Variants in ABCA13 observed in about 807,000 individuals in gnomAD.
The protein encoded by ABCA13 is ATP binding cassette subfamily A member 13.
ABCA13 carries 476 observed loss-of-function variants against 478.7 expected under a neutral mutation model. The observed-to-expected ratio is 0.99, with a 90% CI of 0.92 to 1.07. The LOEUF is 1.07. ABCA13 is among the 50% of genes least tolerant of loss of function. ABCA13 has a pLI of 0.00. For missense variants in ABCA13, 6,060 were observed against 5,910.6 expected, an observed-to-expected ratio of 1.03 and a Z score of -0.83; for synonymous variants, 2,252 against 2,158.9, an observed-to-expected ratio of 1.04 and a Z score of -1.20.
chr7:48,241,154 C>T, intron 10 of ABCA13, 88 bp downstream of exon 10: 2 of 1,420,410 alleles, frequency 1.4e-6, no homozygotes, highest in Admixed American at 1.8e-5. Flanking sequence ...GAAACACATT[C>T]TGTAAAACTA....
At chr7:48,464,056 G>C (rs735070) in intron 43 of ABCA13, among the ~76,000 whole-genome samples, 28,572 of 152,142 alleles carry the variant, frequency 0.19, 3,109 homozygotes, top group African/African-American at 0.29. Context: ...AATTTTAAGA[G>C]ATGATTATTA....
At chr7:48,553,864 T>G (rs1267225950) in intron 55 of ABCA13, among the ~76,000 whole-genome samples, 1 of 152,052 alleles carries the variant, frequency 6.6e-6, no homozygotes, top group Admixed American at 6.6e-5. Context: ...GTTCGTGGGG[T>G]ATTACTCAAG....
Position 48,594,747 on chromosome 7 carries a change from G to T in ABCA13, c.14678G>T (p.Arg4893Leu), listed in dbSNP as rs563046033. ...TCTGGGATGGATCCCTGCTCTAAGC[G>T]GTACCTGTGGCAAACAATAATGAAG... ...PSSGMDPCSKRYLWQTIMKEV... is the reference protein window; with the variant it reads ...PSSGMDPCSKLYLWQTIMKEV... The change falls in exon 58 of 62, where the codon CGG becomes CTG. Residue 4893 changes from arginine (R) to leucine (L), a missense_variant. This residue lies in a region of ABCA13 where 1,627 missense variants were observed against 1,571.0 expected (regional missense o/e 1.04). Transcript: ENST00000435803. 3 of 1,613,912 alleles carry T rather than the reference G, an allele frequency of 1.9e-6. No individual in the cohort carries two copies. Among genetic ancestry groups the T allele is most frequent in the Non-Finnish European group, 2.5e-6 (3 of 1,179,824 alleles).
chr7:48,615,571 A>C (rs1208065843), intron 59 of ABCA13, among the ~76,000 whole-genome samples, 194 bp downstream of exon 59: 1 of 148,688 alleles, frequency 6.7e-6, no homozygotes, highest in East Asian at 2.0e-4. Context: ...AACACAGTCT[A>C]GTGTTCTCCC....
intron 28 of ABCA13, among the ~76,000 whole-genome samples, chr7:48,338,056 G>C (rs920415093): frequency 1.3e-5 from 2 of 152,146 alleles, no homozygotes; most frequent in Admixed American, 1.3e-4. Context: ...TTATAGAAAG[G>C]TTCATTATAT....
In ABCA13 at chr7:48,274,916, T is replaced by A; in HGVS notation, c.5250T>A (p.Leu1750=). 1 of 1,613,942 alleles carries A rather than the reference T, an allele frequency of 6.2e-7. No homozygotes were observed. Among genetic ancestry groups the A allele is most frequent in the Non-Finnish European group, 8.5e-7 (1 of 1,179,822 alleles). The change falls in exon 17 of 62, where the codon CTT becomes CTA. Residue 1750 remains leucine (L), a synonymous_variant. Coordinates refer to ENST00000435803, the MANE Select transcript of ABCA13 (RefSeq NM_152701.5). ...VDAVIDVYYV[L]PHAVRLLQGV... The stretch of plus-strand genomic sequence containing the variant: ...CTGTGATAGATGTGTACTATGTGCT[T>A]CCTCATGCTGTAAGGCTCCTGCAGG...
rs1258101291 is a variant in ABCA13 at position 48,314,390 on chromosome 7, C to T, written c.9840C>T (p.Phe3280=). Residue 3280 remains phenylalanine, a synonymous_variant, in exon 26 of 62, where the codon TTC becomes TTT. Coordinates refer to ENST00000435803, the MANE Select transcript of ABCA13 (RefSeq NM_152701.5). The part of the protein sequence containing the change: ...KELLEDDKEK[F]NIPEDSTPFC... ...TCTTGGAAGATGACAAAGAAAAATT[C>T]AACATTCCTGAAGATTCAAGTAAGA... 3 of 1,595,548 alleles carry T rather than the reference C, an allele frequency of 1.9e-6. No homozygotes were observed. Among genetic ancestry groups the T allele is most frequent in the African/African-American group, 1.3e-5 (1 of 74,524 alleles).
At chr7:48,305,563 C>G (rs1221526909) in intron 23 of ABCA13, among the ~76,000 whole-genome samples, 2 of 152,178 alleles carry the variant, frequency 1.3e-5, no homozygotes, top group African/African-American at 4.8e-5. Flanking sequence ...GTTTCCCTTC[C>G]GGTCACAACT....
At position 48,389,214 on chromosome 7, in the gene ABCA13, C is replaced by G. The variant is rs761508150; in HGVS notation, c.11648C>G (p.Thr3883Ser). Residue 3883 changes from threonine (T) to serine (S), a missense_variant, in exon 37 of 62, where the codon ACT (threonine) becomes AGT (serine). Thr to Ser is a moderately conservative substitution (Grantham distance 58). Transcript: ENST00000435803. ...GGGACAAACGGTGCCGGGAAAACCA[C>G]TATCATGTGGGTCCCATTTTACCCT... is the stretch of plus-strand genomic sequence containing the variant. ...LLGTNGAGKTTIISMLTGLHP... is the reference protein window; with the variant it reads ...LLGTNGAGKTSIISMLTGLHP... The G allele has an allele frequency of 1.2e-6, 2 of 1,613,168 alleles. No homozygotes were observed. Among genetic ancestry groups the G allele is most frequent in the Admixed American group, 1.7e-5 (1 of 59,884 alleles).
chr7:48,430,003 CT>C (rs1213458917), intron 42 of ABCA13, among the ~76,000 whole-genome samples: 1 of 151,976 alleles, frequency 6.6e-6, no homozygotes, highest in Non-Finnish European at 1.5e-5. Context: ...ATTTTCTTTT[CT>C]TGCAGTGTCT....
At chr7:48,488,414 T>G (rs2130666233) in intron 47 of ABCA13, among the ~76,000 whole-genome samples, 1 of 152,290 alleles carries the variant, frequency 6.6e-6, no homozygotes, top group African/African-American at 2.4e-5. Flanking sequence ...ATTTGAGATC[T>G]GGTCCAAAGT....
chr7:48,297,860 C>T (rs371014962), intron 22 of ABCA13, among the ~76,000 whole-genome samples: 198 of 151,252 alleles, frequency 1.3e-3, no homozygotes, highest in African/African-American at 4.7e-3. Context: ...CTGCAACCTC[C>T]GCCTCCTGGG....
At chr7:48,593,177 AT>A (rs1290019919) in intron 57 of ABCA13, among the ~76,000 whole-genome samples, 4 of 140,774 alleles carry the variant, frequency 2.8e-5, no homozygotes, top group African/African-American at 1.1e-4. Flanking sequence ...TTTTCTTTTA[AT>A]TTGATAATTT....
chr7:48,460,021 C>T (rs185061989), intron 43 of ABCA13, among the ~76,000 whole-genome samples: 225 of 152,130 alleles, frequency 1.5e-3, no homozygotes, highest in African/African-American at 5.1e-3. Flanking sequence ...TTTGTTCCTA[C>T]CCCCAAACTC....
At chr7:48,303,702 G>A (rs1800490097) in intron 23 of ABCA13, among the ~76,000 whole-genome samples, 1 of 152,092 alleles carries the variant, frequency 6.6e-6, no homozygotes, top group South Asian at 2.1e-4. Context: ...CTATGTGTCT[G>A]TTTTTGTGCC....
chr7:48,285,443 A>G (rs1202255640), intron 19 of ABCA13, among the ~76,000 whole-genome samples: 2 of 152,334 alleles, frequency 1.3e-5, no homozygotes, highest in East Asian at 1.9e-4. Flanking sequence ...GTGTCGAGAC[A>G]GTTGTCAAGT....
At chr7:48,529,272 T>G (rs1481073960) in intron 55 of ABCA13, among the ~76,000 whole-genome samples, 1 of 152,202 alleles carries the variant, frequency 6.6e-6, no homozygotes, top group Non-Finnish European at 1.5e-5. Context: ...TATCACAAAC[T>G]AAAATCTTAG....
At chr7:48,176,321 T>A (rs1463424605) in intron 1 of ABCA13, among the ~76,000 whole-genome samples, 1 of 152,160 alleles carries the variant, frequency 6.6e-6, no homozygotes, top group African/African-American at 2.4e-5. Context: ...CATAGTTTAA[T>A]ACGAGGACAT....
intron 27 of ABCA13, among the ~76,000 whole-genome samples, chr7:48,332,975 G>A (rs1009473700): frequency 2.6e-5 from 4 of 152,130 alleles, no homozygotes; most frequent in African/African-American, 9.7e-5. Flanking sequence ...GTAGGTTTTT[G>A]TATTTCTACA....
Sources: allele counts gnomAD v4.1 joint callset (sites outside exome capture counted in the v4.1 genomes callset), GRCh38; gene constraint gnomAD v4.1.1; regional missense constraint gnomAD v4.1.1; transcripts MANE v1.5; gene names NCBI Gene and HGNC (gene_info 2026-07-23, HGNC 2026-07-21).